The following ATAD2 variants were observed in gnomAD, a reference collection of about 807,000 sequenced individuals.
The protein encoded by ATAD2 is ATPase family AAA domain-containing protein 2.
A neutral mutation model predicts 168.9 loss-of-function variants in ATAD2; 62 were observed. That is an observed-to-expected ratio of 0.37 (90% CI 0.30 to 0.45). ATAD2 has a LOEUF of 0.45. Ranked by LOEUF, ATAD2 falls within the 20% of genes least tolerant of loss-of-function variation. ATAD2 has a pLI of 1.00. For missense variants in ATAD2, 1,419 were observed against 1,667.8 expected, an observed-to-expected ratio of 0.85 and a Z score of 2.60; for synonymous variants, 613 against 571.6, an observed-to-expected ratio of 1.07 and a Z score of -1.03.
At chr8:123,321,352 G>T (rs1827463677) in intron 27 of ATAD2, among the ~76,000 whole-genome samples, 177 bp from the exon 28 acceptor site, 1 of 151,692 alleles carries the variant, frequency 6.6e-6, no homozygotes, top group Non-Finnish European at 1.5e-5. Flanking sequence ...TTACCTGTAG[G>T]ACTTCATTAT....
chr8:123,368,394 G>A (rs2129724600), intron 8 of ATAD2, among the ~76,000 whole-genome samples: 1 of 152,134 alleles, frequency 6.6e-6, no homozygotes, highest in East Asian at 1.9e-4. Flanking sequence ...CTCCGGCCTG[G>A]GGAACACAGC....
At chr8:123,384,946 T>TA in intron 1 of ATAD2, among the ~76,000 whole-genome samples, 1 of 152,364 alleles carries the variant, frequency 6.6e-6, no homozygotes, top group Middle Eastern at 3.4e-3. Flanking sequence ...ACATTTTTCT[T>TA]AAACTGATTT....
chr8:123,345,978 A>C, intron 18 of ATAD2, 108 bp downstream of exon 18: 2 of 902,188 alleles, frequency 2.2e-6, no homozygotes, highest in Non-Finnish European at 3.2e-6. Context: ...TGTAAACCTA[A>C]AGTTACAAAT....
chr8:123,357,756 C>T lies in ATAD2; in HGVS notation c.1383-20G>A. ...CAACCTCTGTAAAACAATACATTAA[C>T]ATTTTAGTATTACATTTAAAAAGCA... On this transcript the variant is annotated intron_variant, in intron 11 of 27. Coordinates refer to ENST00000287394, the MANE Select transcript of ATAD2 (RefSeq NM_014109.4). The T allele has an allele frequency of 6.4e-7, 1 of 1,551,648 alleles. No homozygotes were observed.
intron 1 of ATAD2, chr8:123,401,649 CCAT>C: frequency 1.2e-6 from 1 of 842,272 alleles, no homozygotes; most frequent in Admixed American, 1.8e-5. Context: ...TTTGGTGTGC[CCAT>C]CATAGCCGAT....
chr8:123,346,065 A>G, intron 18 of ATAD2, 21 bp downstream of exon 18: 1 of 1,476,162 alleles, frequency 6.8e-7, no homozygotes, highest in African/African-American at 1.5e-5. Flanking sequence ...TTTGTCTTAT[A>G]CTTGGGCACC....
At chr8:123,381,411 G>A (rs951938444) in intron 1 of ATAD2, among the ~76,000 whole-genome samples, 8 of 152,142 alleles carry the variant, frequency 5.3e-5, no homozygotes, top group African/African-American at 1.9e-4. Context: ...TGAAATGGGA[G>A]GATGATTTGA....
In ATAD2 at chr8:123,347,045, T is replaced by G. The variant is rs753136012; in HGVS notation, c.2212+47A>C. Reference sequence around the variant, plus strand: ...TCTGGTATGTATGAAACATTTCACTTTACTGATTATAAAAACTAACTTTAA... The same window carrying G: ...TCTGGTATGTATGAAACATTTCACTGTACTGATTATAAAAACTAACTTTAA... On this transcript the variant is annotated intron_variant, in intron 16 of 27. Coordinates refer to ENST00000287394, the MANE Select transcript of ATAD2 (RefSeq NM_014109.4). 10 of 1,506,008 alleles carry G rather than the reference T, an allele frequency of 6.6e-6. No individual in the cohort carries two copies. In the East Asian group the frequency reaches 1.8e-4, roughly 27 times the overall value. The allele number at this position is 1,506,008 out of a possible 1,614,324, so 93.3% of individuals were successfully genotyped here. A position where few individuals can be genotyped will look rare whatever the true frequency, so the allele number is the denominator to read the frequency against.
At chr8:123,397,239 T>TG (rs1563869628), upstream of ATAD2, among the ~76,000 whole-genome samples, 82 of 79,582 alleles carry the variant, frequency 1.0e-3, no homozygotes, top group Middle Eastern at 7.2e-3. Context: ...AGACTCTGTC[T>TG]CAAAAAAAAA....
chr8:123,320,982 C>T lies in ATAD2; in HGVS notation c.*152G>A, dbSNP rs1436541028. 5.8e-5 allele frequency: 39 copies of T among 673,978 alleles called. No homozygotes were observed. In the Admixed American group the frequency reaches 1.2e-3, roughly 21 times the overall value. The allele number at this position is 673,978 out of a possible 1,614,324, so 41.7% of individuals were successfully genotyped here. A position where few individuals can be genotyped will look rare whatever the true frequency, so the allele number is the denominator to read the frequency against. On this transcript the variant is annotated 3_prime_UTR_variant, in exon 28 of 28. Coordinates refer to ENST00000287394, the MANE Select transcript of ATAD2 (RefSeq NM_014109.4). ...CACATGACATTTATCTTAATATGTA[C>T]ATAAATATCAGGAAAGTTTAAATAC...
intron 6 of ATAD2, among the ~76,000 whole-genome samples, chr8:123,370,597 G>C (rs1349167888): frequency 6.6e-6 from 1 of 151,992 alleles, no homozygotes; most frequent in African/African-American, 2.4e-5. Flanking sequence ...GTCCTAAATG[G>C]AATAGCAAAA....
At chr8:123,347,714 G>C (rs1441809783) in intron 15 of ATAD2, among the ~76,000 whole-genome samples, 1 of 152,114 alleles carries the variant, frequency 6.6e-6, no homozygotes, top group Non-Finnish European at 1.5e-5. Context: ...TTTACTAGCT[G>C]TATGACCTTA....
intron 2 of ATAD2, among the ~76,000 whole-genome samples, chr8:123,378,124 G>T (rs185802687): frequency 6.6e-6 from 1 of 152,086 alleles, no homozygotes; most frequent in Non-Finnish European, 1.5e-5. Flanking sequence ...AAAGTTGTAC[G>T]TTTCTCCCCA....
At chr8:123,330,687 C>T (rs1827754676) in intron 24 of ATAD2, among the ~76,000 whole-genome samples, 2 of 151,764 alleles carry the variant, frequency 1.3e-5, no homozygotes, top group African/African-American at 4.8e-5. Flanking sequence ...TTAAGCCAAA[C>T]CTCTTTCTAA....
chr8:123,375,053 T>G (rs1829265544), intron 2 of ATAD2, among the ~76,000 whole-genome samples: 1 of 152,072 alleles, frequency 6.6e-6, no homozygotes, highest in Non-Finnish European at 1.5e-5. Context: ...ATTTCTATAG[T>G]CAGGCATGCT....
At chr8:123,327,001 C>T (rs1453686346) in intron 25 of ATAD2, among the ~76,000 whole-genome samples, 4 of 152,108 alleles carry the variant, frequency 2.6e-5, no homozygotes, top group South Asian at 2.1e-4. Context: ...CTCCACCTCC[C>T]GGGTTCAGGT....
intron 1 of ATAD2, among the ~76,000 whole-genome samples, chr8:123,411,177 T>A (rs1259897117): frequency 6.6e-6 from 1 of 152,046 alleles, no homozygotes; most frequent in Admixed American, 6.6e-5. Flanking sequence ...CTCCAAAGCG[T>A]TTGTCTCTTC....
Position 123,321,012 on chromosome 8 carries a change from A to T in ATAD2, c.*122T>A. 1 of 840,206 alleles carries T rather than the reference A, an allele frequency of 1.2e-6. No individual in the cohort carries two copies. Among genetic ancestry groups the T allele is most frequent in the South Asian group, 1.6e-5 (1 of 62,592 alleles). The allele number at this position is 840,206 out of a possible 1,614,324, so 52.0% of individuals were successfully genotyped here. The stretch of plus-strand genomic sequence containing the variant: ...ATATCAGGAAAGTTTAAATACTTTT[A>T]TTTTACTATTTTAATCTTTTCCTTA... On this transcript the variant is annotated 3_prime_UTR_variant, in exon 28 of 28. Coordinates refer to ENST00000287394, the MANE Select transcript of ATAD2 (RefSeq NM_014109.4).
intron 1 of ATAD2, among the ~76,000 whole-genome samples, chr8:123,394,489 C>T (rs1411740749): frequency 6.6e-6 from 1 of 151,960 alleles, no homozygotes; most frequent in South Asian, 2.1e-4. Flanking sequence ...ATTAGCCCAG[C>T]GTGGTGGTGT....
Sources: gnomAD v4.1 joint callset for allele counts (sites outside exome capture counted in the v4.1 genomes callset) on GRCh38, gnomAD v4.1.1 for gene constraint, MANE v1.5 for transcripts, NCBI Gene and HGNC (gene_info 2026-07-23, HGNC 2026-07-21) for gene names.